Variants in CENPE observed in about 807,000 individuals in gnomAD.
The protein encoded by CENPE is centromere-associated protein E.
Under a neutral mutation model 336.1 loss-of-function variants are expected in CENPE, and 145 were observed. The ratio of observed to expected loss-of-function variants is 0.43; its 90% CI spans 0.38 to 0.50. The LOEUF (loss-of-function observed/expected upper bound fraction) is 0.50, where lower values mean the gene tolerates loss of function less well. CENPE is among the 20% of genes least tolerant of loss of function. The probability of loss-of-function intolerance (pLI) is 0.00; values close to 1 mark genes in which losing one functional copy is unlikely to be tolerated. For missense variants in CENPE, 2,719 were observed against 3,023.3 expected (o/e 0.90, Z 2.36); for synonymous variants, 1,013 against 984.8 (o/e 1.03, Z -0.54).
chr4:103,196,352 C>G, intron 2 of CENPE, 100 bp from the exon 3 acceptor site: 1 of 913,352 alleles, frequency 1.1e-6, no homozygotes, highest in Non-Finnish European at 1.7e-6. Flanking sequence ...GTAAAACTGT[C>G]AGAATGTAGG....
At chr4:103,108,711 C>T (rs1323648872) in intron 48 of CENPE, 92 bp downstream of exon 48, 3 of 1,194,544 alleles carry the variant, frequency 2.5e-6, no homozygotes, top group East Asian at 4.9e-5. Flanking sequence ...ACTAAATCAT[C>T]TCTTATCTAA....
intron 24 of CENPE, among the ~76,000 whole-genome samples, chr4:103,155,732 TA>T (rs34821858): frequency 6.6e-6 from 1 of 150,920 alleles, no homozygotes. Context: ...GAGATGGAAA[TA>T]AAAAAAAAGT....
At chr4:103,165,171 G>A (rs1295712546) in intron 16 of CENPE, among the ~76,000 whole-genome samples, 1 of 152,100 alleles carries the variant, frequency 6.6e-6, no homozygotes, top group African/African-American at 2.4e-5. Flanking sequence ...AAGGAAAAAT[G>A]ATTTAAACAT....
intron 8 of CENPE, among the ~76,000 whole-genome samples, chr4:103,190,166 T>A (rs1757167758): frequency 6.6e-6 from 1 of 152,138 alleles, no homozygotes; most frequent in South Asian, 2.1e-4. Flanking sequence ...TGGAAGAACA[T>A]TCCATGCTCA....
chr4:103,183,175 G>A, intron 10 of CENPE, 26 bp downstream of exon 10: 1 of 1,522,300 alleles, frequency 6.6e-7, no homozygotes, highest in African/African-American at 1.4e-5. Flanking sequence ...GAATCAGTAG[G>A]TAAGTGCACA....
intron 24 of CENPE, among the ~76,000 whole-genome samples, chr4:103,158,091 C>G (rs573066138): frequency 1.3e-5 from 2 of 151,824 alleles, no homozygotes; most frequent in Admixed American, 6.6e-5. Context: ...TGGACTAATA[C>G]ATTTTTGGGC....
chr4:103,180,069 C>A (rs1387891004), intron 13 of CENPE, among the ~76,000 whole-genome samples: 1 of 152,058 alleles, frequency 6.6e-6, no homozygotes, highest in African/African-American at 2.4e-5. Context: ...ATTTATTAAG[C>A]AGAATATTGC....
chr4:103,197,663 G>A (rs1757842452), intron 1 of CENPE, among the ~76,000 whole-genome samples: 1 of 152,140 alleles, frequency 6.6e-6, no homozygotes, highest in South Asian at 2.1e-4. Context: ...TCCTCTTCCT[G>A]CTTTTTCTCC....
chr4:103,196,267 C>T lies in CENPE; in HGVS notation c.149-15G>A. ...AAAGACACGATCTAAACAACAACAA[C>T]AACAACAACAACACAGAAGTTAAAT... On this transcript the variant is annotated splice_polypyrimidine_tract_variant and intron_variant, in intron 2 of 48. Coordinates refer to ENST00000265148, the MANE Select transcript of CENPE (RefSeq NM_001813.3). The T allele has an allele frequency of 1.3e-6, 2 of 1,561,130 alleles. No individual in the cohort carries two copies. Among genetic ancestry groups the T allele is most frequent in the Non-Finnish European group, 1.8e-6 (2 of 1,133,800 alleles).
chr4:103,195,266 G>A lies in CENPE; in HGVS notation c.358-33C>T, dbSNP rs199814953. The A allele has an allele frequency of 3.9e-6, 6 of 1,550,758 alleles. No individual in the cohort carries two copies. The Admixed American group carries it at 8.9e-5, about 23-fold the overall frequency. ...AAAAAAAATTATATAAAAACACCAG[G>A]AAGCATCCAATTGTGAAAACCTAAT... is the stretch of plus-strand genomic sequence containing the variant. On this transcript the variant is annotated intron_variant, in intron 4 of 48. Coordinates refer to ENST00000265148, the MANE Select transcript of CENPE (RefSeq NM_001813.3).
chr4:103,166,914 T>C (rs1475129141), intron 16 of CENPE, among the ~76,000 whole-genome samples: 2 of 152,226 alleles, frequency 1.3e-5, no homozygotes, highest in African/African-American at 4.8e-5. Context: ...CTCCCTTTAA[T>C]CTTTTGGACA....
At chr4:103,108,305 G>A (rs1749076416) in intron 48 of CENPE, among the ~76,000 whole-genome samples, 1 of 149,878 alleles carries the variant, frequency 6.7e-6, no homozygotes, top group Admixed American at 6.7e-5. Flanking sequence ...TAAGCTCTAT[G>A]AAGGCAGGGA....
At chr4:103,163,608 C>CAAAAAAACAAAAAAAAAAAAAAAAAAAA (rs1754650255) in intron 16 of CENPE, 55 bp from the exon 17 acceptor site, 1 of 280,024 alleles carries the variant, frequency 3.6e-6, no homozygotes, top group Non-Finnish European at 6.0e-6. Context: ...TAAAGCAAAG[C>CAAAAAAACAAAAAAAAAAAAAAAAAAAA]AAAAAAAAAA....
intron 16 of CENPE, 125 bp downstream of exon 16, chr4:103,174,611 A>T (rs143017059): frequency 1.6e-6 from 1 of 638,616 alleles, no homozygotes; most frequent in South Asian, 2.7e-5. Flanking sequence ...TGTTGTATAC[A>T]ATAAACACAT....
At chr4:103,198,217 G>GC (rs1026562228) in intron 1 of CENPE, 47 bp downstream of exon 1, 3 of 1,537,046 alleles carry the variant, frequency 2.0e-6, no homozygotes, top group Non-Finnish European at 2.6e-6. Flanking sequence ...GGCTCAGGGC[G>GC]GCGCCGCAGG....
chr4:103,116,023 C>T (rs193252830), intron 45 of CENPE, among the ~76,000 whole-genome samples: 2 of 152,204 alleles, frequency 1.3e-5, no homozygotes, highest in East Asian at 1.9e-4. Flanking sequence ...ATTTCTACTT[C>T]AGTTTCCTTG....
intron 16 of CENPE, among the ~76,000 whole-genome samples, chr4:103,169,361 A>G (rs1214699402): frequency 2.6e-5 from 4 of 152,208 alleles, no homozygotes; most frequent in African/African-American, 7.2e-5. Context: ...AAGCTTATTT[A>G]AAGAAATAAT....
intron 16 of CENPE, among the ~76,000 whole-genome samples, chr4:103,167,590 C>T (rs1334809502): frequency 6.6e-6 from 1 of 152,120 alleles, no homozygotes; most frequent in Non-Finnish European, 1.5e-5. Flanking sequence ...CACATCCCCC[C>T]AAAACAACAA....
At chr4:103,163,112 A>G in intron 18 of CENPE, 25 bp downstream of exon 18, 2 of 1,592,804 alleles carry the variant, frequency 1.3e-6, no homozygotes, top group Non-Finnish European at 1.7e-6. Context: ...ATGTGATTAC[A>G]CAACAAAATA....
Sources: allele counts gnomAD v4.1 joint callset (sites outside exome capture counted in the v4.1 genomes callset), GRCh38; gene constraint gnomAD v4.1.1; transcripts MANE v1.5; gene names NCBI Gene and HGNC (gene_info 2026-07-23, HGNC 2026-07-21).